PABIR3: variants seen among roughly 807,000 people sequenced by gnomAD.
PABIR3 encodes the protein PABIR family member 3.
Under a neutral mutation model 23.1 loss-of-function variants are expected in PABIR3, and 20 were observed. The observed-to-expected ratio is 0.86, with a 90% CI of 0.61 to 1.26. The LOEUF (loss-of-function observed/expected upper bound fraction) is 1.26, where lower values mean the gene tolerates loss of function less well. Ranked by LOEUF, PABIR3 falls within the 50% of genes most tolerant of loss-of-function variation. The pLI, the probability that PABIR3 is intolerant of heterozygous loss-of-function variation, is 0.00. For missense variants in PABIR3, 189 were observed against 195.4 expected (o/e 0.97, Z 0.20); for synonymous variants, 69 against 68.5 (o/e 1.01, Z -0.04).
chrX:134,855,433 C>CA (rs929087761), downstream of PABIR3, among the ~76,000 whole-genome samples: 46 of 95,469 alleles, frequency 4.8e-4, no homozygotes, highest in East Asian at 1.3e-3. Flanking sequence ...GACTCTGTCT[C>CA]AAAAAAAAAA....
At chrX:134,837,045 A>ATTTT (rs995700413) in intron 4 of PABIR3, among the ~76,000 whole-genome samples, 11 of 108,960 alleles carry the variant, frequency 1.0e-4, no homozygotes, top group African/African-American at 3.0e-4. Context: ...CTTTAAAAAA[A>ATTTT]TTTTTTTTTT....
At chrX:134,856,346 CG>C (rs1249416935), downstream of PABIR3, among the ~76,000 whole-genome samples, 1 of 110,180 alleles carries the variant, frequency 9.1e-6, no homozygotes, top group African/African-American at 3.3e-5. Context: ...CCACCATGCC[CG>C]GCTAATTTTT....
At chrX:134,819,233 C>T (rs1023294069) in intron 3 of PABIR3, among the ~76,000 whole-genome samples, 1 of 110,909 alleles carries the variant, frequency 9.0e-6, no homozygotes, top group African/African-American at 3.3e-5. Context: ...CTGTGCCCGG[C>T]GATTCTTGGC....
intron 4 of PABIR3, among the ~76,000 whole-genome samples, chrX:134,841,713 C>A (rs2082239802): frequency 9.1e-6 from 1 of 109,931 alleles, no homozygotes; most frequent in Non-Finnish European, 1.9e-5. Flanking sequence ...CCTGTAATTC[C>A]AGCTACTCGG....
In PABIR3 at chrX:134,845,186, C is replaced by G; in HGVS notation, c.247-19C>G. 8.5e-7 allele frequency: 1 copy of G among 1,173,731 alleles called. No individual in the cohort carries two copies. The highest frequency in any genetic ancestry group is 1.1e-6 in the Non-Finnish European group (1 of 871,319). ...AGGAACTGGGTATTCAGTTTATTCT[C>G]ATTTTCCTACCTTTACAGGAAGAAG... On this transcript the variant is annotated intron_variant, in intron 4 of 10. Coordinates refer to ENST00000645433, the MANE Select transcript of PABIR3 (RefSeq NM_001388447.1).
At chrX:134,850,477 C>T (rs1323686332) in intron 9 of PABIR3, among the ~76,000 whole-genome samples, 1 of 111,536 alleles carries the variant, frequency 9.0e-6, no homozygotes, top group Non-Finnish European at 1.9e-5. Flanking sequence ...GGTTACTAAG[C>T]TTAGGGGTCT....
upstream of PABIR3, among the ~76,000 whole-genome samples, chrX:134,805,189 T>C (rs1265403902): frequency 8.9e-6 from 1 of 112,024 alleles, no homozygotes; most frequent in Non-Finnish European, 1.9e-5. Context: ...ACTTAGTAGT[T>C]GCAACTTGAG....
At chrX:134,803,688 C>G (rs2080121108), upstream of PABIR3, among the ~76,000 whole-genome samples, 1 of 111,742 alleles carries the variant, frequency 8.9e-6, no homozygotes, top group South Asian at 3.7e-4. Context: ...CTTTTTATCT[C>G]AAGGTCTCAG....
intron 4 of PABIR3, chrX:134,839,243 A>T (rs1205621277): frequency 9.1e-6 from 1 of 109,718 alleles, no homozygotes; most frequent in Admixed American, 1.0e-4. Flanking sequence ...CCATCTAGGA[A>T]GTGAGGAGCG....
chrX:134,864,037 ATTTTAT>A, the PABIR3 span, among the ~76,000 whole-genome samples: 1 of 111,169 alleles, frequency 9.0e-6, no homozygotes, highest in Admixed American at 9.7e-5. Context: ...TGCAGCTTTT[ATTTTAT>A]TTTTATTTTT....
chrX:134,821,244 T>TAAA (rs34486506), intron 3 of PABIR3: 2,653 of 562,358 alleles, frequency 4.7e-3, no homozygotes, highest in Non-Finnish European at 5.0e-3. Context: ...CCAAGCATTG[T>TAAA]AAAAAAAAAA....
chrX:134,815,988 G>A (rs2080956788), intron 3 of PABIR3, among the ~76,000 whole-genome samples: 1 of 112,003 alleles, frequency 8.9e-6, no homozygotes, highest in South Asian at 3.7e-4. Context: ...GCCTTGCTGA[G>A]TATTTTTATC....
intron 3 of PABIR3, among the ~76,000 whole-genome samples, chrX:134,819,382 T>C (rs1242383623): frequency 1.8e-5 from 2 of 111,950 alleles, no homozygotes; most frequent in East Asian, 5.6e-4. Flanking sequence ...TTTTAACTTA[T>C]TGGATGATGG....
At chrX:134,848,491 T>G (rs745820988) in intron 8 of PABIR3, among the ~76,000 whole-genome samples, 1 of 111,990 alleles carries the variant, frequency 8.9e-6, no homozygotes, top group South Asian at 3.7e-4. Flanking sequence ...TTCACCCTGC[T>G]AATACATAAT....
chrX:134,831,558 G>A (rs1057287269), intron 4 of PABIR3: 2 of 111,237 alleles, frequency 1.8e-5, no homozygotes, highest in African/African-American at 6.5e-5. Context: ...TCATAGAATC[G>A]TTTTGAGGAT....
the PABIR3 span, among the ~76,000 whole-genome samples, chrX:134,863,428 GA>G: frequency 9.2e-6 from 1 of 108,383 alleles, no homozygotes; most frequent in African/African-American, 3.4e-5. Context: ...ACCAAACATT[GA>G]AAAAAAAATG....
At chrX:134,835,738 C>G (rs1291753719) in intron 4 of PABIR3, 1 of 111,438 alleles carries the variant, frequency 9.0e-6, no homozygotes, top group Non-Finnish European at 1.9e-5. Context: ...ACTGCAGCCT[C>G]AACCTTCTGG....
At chrX:134,805,283 A>C (rs1411477682), upstream of PABIR3, among the ~76,000 whole-genome samples, 1 of 111,879 alleles carries the variant, frequency 8.9e-6, no homozygotes, top group Non-Finnish European at 1.9e-5. Flanking sequence ...GTAAACTTTA[A>C]ATGCAATCAC....
chrX:134,839,482 G>T, intron 4 of PABIR3: 1 of 132,026 alleles, frequency 7.6e-6, no homozygotes, highest in Non-Finnish European at 1.5e-5. Context: ...TGAGAAGTGA[G>T]GAGCCCCTCC....
Sources: gnomAD v4.1 joint callset for allele counts (sites outside exome capture counted in the v4.1 genomes callset) on GRCh38, gnomAD v4.1.1 for gene constraint, MANE v1.5 for transcripts, NCBI Gene and HGNC (gene_info 2026-07-23, HGNC 2026-07-21) for gene names.